The following RBFOX1 variants were observed in gnomAD, a reference collection of about 807,000 sequenced individuals.
RBFOX1 encodes the protein RNA binding protein fox-1 homolog 1.
Under a neutral mutation model 57.7 loss-of-function variants are expected in RBFOX1, and 8 were observed. That is an observed-to-expected ratio of 0.14 (90% confidence interval 0.08 to 0.25). The LOEUF (loss-of-function observed/expected upper bound fraction) is 0.25. Ranked by LOEUF, RBFOX1 falls within the 10% of genes least tolerant of loss-of-function variation. The pLI is 1.00. For synonymous variants in RBFOX1, 326 were observed against 222.4 expected (o/e 1.47, Z -4.15); for missense variants, 611 against 548.5 (o/e 1.11, Z -1.14).
At chr16:6,999,519 G>A (rs2092601858) in intron 3 of RBFOX1, among the ~76,000 whole-genome samples, 1 of 151,636 alleles carries the variant, frequency 6.6e-6, no homozygotes, top group Admixed American at 6.6e-5. Flanking sequence ...GTTTTAAAAT[G>A]TTTTATTATG....
intron 2 of RBFOX1, among the ~76,000 whole-genome samples, chr16:6,445,839 C>T (rs532569290): frequency 1.3e-5 from 2 of 152,182 alleles, no homozygotes; most frequent in African/African-American, 4.8e-5. Flanking sequence ...CCTCAGCCTC[C>T]CAAAGTGCTG....
chr16:5,411,236 T>G (rs1304602871), intron 1 of RBFOX1, among the ~76,000 whole-genome samples: 1 of 152,214 alleles, frequency 6.6e-6, no homozygotes, highest in Non-Finnish European at 1.5e-5. Context: ...AAAGGGACTT[T>G]GCATGTATGA....
At chr16:5,541,179 G>T (rs1291385515) in intron 2 of RBFOX1, among the ~76,000 whole-genome samples, 2 of 152,112 alleles carry the variant, frequency 1.3e-5, no homozygotes, top group Non-Finnish European at 2.9e-5. Flanking sequence ...AGAGCTCTAG[G>T]TGATTTATGT....
intron 4 of RBFOX1, among the ~76,000 whole-genome samples, chr16:5,902,466 C>A (rs916199844): frequency 1.3e-5 from 2 of 151,902 alleles, no homozygotes; most frequent in African/African-American, 4.8e-5. Flanking sequence ...CAGACTGGAG[C>A]GTAGTGATGC....
rs539914417 is a variant in RBFOX1 at position 7,307,769 on chromosome 16, A to G, written c.28-210378A>G. Among the ~76,000 whole-genome samples the G allele has an allele frequency of 5.3e-5, 8 of 152,290 alleles. No individual in the cohort carries two copies. The East Asian group carries it at 1.4e-3, about 26-fold the overall frequency. ...AGACACATATACACACACACCTAGT[A>G]TAGAGCATATATTTTGTGGTTGTCA... On this transcript the variant is annotated intron_variant, in intron 4 of 15. Transcript: ENST00000550418.
intron 1 of RBFOX1, among the ~76,000 whole-genome samples, chr16:5,388,274 C>T (rs1206548262): frequency 1.3e-5 from 2 of 152,158 alleles, no homozygotes; most frequent in African/African-American, 2.4e-5. Context: ...GAAGACATAG[C>T]ACATCCCTTG....
intron 2 of RBFOX1, among the ~76,000 whole-genome samples, chr16:6,412,287 G>T (rs2093483819): frequency 6.6e-6 from 1 of 152,166 alleles, no homozygotes; most frequent in African/African-American, 2.4e-5. Flanking sequence ...TGTATTTTGG[G>T]AGTTACTGCA....
chr16:7,686,389 C>A (rs544114935), intron 14 of RBFOX1, among the ~76,000 whole-genome samples: 3 of 152,000 alleles, frequency 2.0e-5, no homozygotes, highest in African/African-American at 7.2e-5. Flanking sequence ...TATTTGTTAT[C>A]TTTTCTGCTC....
intron 3 of RBFOX1, among the ~76,000 whole-genome samples, chr16:6,799,305 C>T (rs1304083248): frequency 6.6e-6 from 1 of 152,120 alleles, no homozygotes; most frequent in African/African-American, 2.4e-5. Context: ...AGCTGTATTT[C>T]TAGCTACTTA....
chr16:6,546,341 G>A (rs567353014), intron 2 of RBFOX1, among the ~76,000 whole-genome samples: 2 of 152,168 alleles, frequency 1.3e-5, no homozygotes, highest in Non-Finnish European at 2.9e-5. Flanking sequence ...GTATTAGTTA[G>A]TATCACAAAC....
chr16:5,936,661 C>G (rs2059174646), intron 4 of RBFOX1, among the ~76,000 whole-genome samples: 1 of 152,220 alleles, frequency 6.6e-6, no homozygotes, highest in African/African-American at 2.4e-5. Flanking sequence ...TACCTTTCAA[C>G]TTGTAATTGT....
At chr16:5,497,183 C>G (rs1014606964) in intron 2 of RBFOX1, among the ~76,000 whole-genome samples, 1 of 152,142 alleles carries the variant, frequency 6.6e-6, no homozygotes, top group African/African-American at 2.4e-5. Flanking sequence ...TCAGCTTTCA[C>G]CGGGGTTGGT....
At chr16:5,772,304 C>G (rs1466155806) in intron 3 of RBFOX1, among the ~76,000 whole-genome samples, 1 of 152,192 alleles carries the variant, frequency 6.6e-6, no homozygotes, top group Admixed American at 6.5e-5. Context: ...CAGGCTCCCT[C>G]CATGTAGAGT....
chr16:7,660,796 G>C (rs1204861622), intron 12 of RBFOX1, among the ~76,000 whole-genome samples: 1 of 152,192 alleles, frequency 6.6e-6, no homozygotes, highest in Non-Finnish European at 1.5e-5. Context: ...CCAGCCATCT[G>C]TGTTTCAAAA....
chr16:6,801,374 G>A (rs1215809309), intron 3 of RBFOX1, among the ~76,000 whole-genome samples: 1 of 152,124 alleles, frequency 6.6e-6, no homozygotes, highest in Admixed American at 6.6e-5. Context: ...AGGTGTAATT[G>A]CATCTATCTT....
Position 6,722,580 on chromosome 16 carries a change from A to G in RBFOX1, c.-16+67930A>G, listed in dbSNP as rs570281370. ...GTTTGTGTGATATTAATGAGAACCT[A>G]CAGACTTCTTTAGAATAATCAAGGG... is the stretch of plus-strand genomic sequence containing the variant. On this transcript the variant is annotated intron_variant, in intron 3 of 15. Transcript: ENST00000550418. Among the ~76,000 whole-genome samples, 5 of 152,328 alleles carry G rather than the reference A, an allele frequency of 3.3e-5. No individual in the cohort carries two copies. In the East Asian group the frequency reaches 7.7e-4, roughly 24 times the overall value.
chr16:6,524,066 C>A (rs568836813), intron 2 of RBFOX1, among the ~76,000 whole-genome samples: 4 of 152,010 alleles, frequency 2.6e-5, no homozygotes, highest in African/African-American at 9.7e-5. Flanking sequence ...GTATAGTCAC[C>A]CTGTTGTGCT....
rs777856402 is a variant in RBFOX1, at chr16:6,487,673, TAAAAAAAA to T, written c.-63-166909_-63-166902del. On this transcript the variant is annotated intron_variant, in intron 2 of 15. Transcript: ENST00000550418. ...CTTCCAAAGATGGCAGTGATATATGTAAAAAAAAAAAAAAAAAAAAAAAAAAAATATAT... is the reference window on the plus strand; with the variant it reads ...CTTCCAAAGATGGCAGTGATATATGTAAAAAAAAAAAAAAAAAAAATATAT... Among the ~76,000 whole-genome samples, 700 of 38,682 alleles carry T rather than the reference TAAAAAAAA, an allele frequency of 0.018. 51 individuals carry two copies. In the East Asian group the frequency reaches 0.21, roughly 12 times the overall value. The allele number at this position is 38,682 out of a possible 152,430, so 25.4% of individuals were successfully genotyped here. A position where few individuals can be genotyped will look rare whatever the true frequency, so the allele number is the denominator to read the frequency against.
chr16:7,653,295 C>T (rs537356591), intron 11 of RBFOX1, among the ~76,000 whole-genome samples: 2 of 152,272 alleles, frequency 1.3e-5, no homozygotes, highest in African/African-American at 2.4e-5. Flanking sequence ...GAACCCAGGA[C>T]TTCAAGACCA....
Sources: gnomAD v4.1 joint callset for allele counts (sites outside exome capture counted in the v4.1 genomes callset) on GRCh38, gnomAD v4.1.1 for gene constraint, MANE v1.5 for transcripts, NCBI Gene and HGNC (gene_info 2026-07-23, HGNC 2026-07-21) for gene names.